H3C11: variants seen among roughly 807,000 people sequenced by gnomAD.
H3C11 encodes the protein histone H3.1.
Under a neutral mutation model 9.1 loss-of-function variants are expected in H3C11, and 10 were observed. The observed-to-expected ratio is 1.10, with a 90% CI of 0.68 to 1.86. The LOEUF (loss-of-function observed/expected upper bound fraction) is 1.86, where lower values mean the gene tolerates loss of function less well. Among genes scored for constraint, H3C11 ranks in the 40% most tolerant of loss-of-function variants. The probability of loss-of-function intolerance (pLI) is 0.00; values close to 1 mark genes in which losing one functional copy is unlikely to be tolerated. For synonymous variants in H3C11, 132 were observed against 82.4 expected, an observed-to-expected ratio of 1.60 and a Z score of -3.26; for missense variants, 197 against 192.5, an observed-to-expected ratio of 1.02 and a Z score of -0.14.
Position 27,872,174 on chromosome 6 carries a change from C to A in H3C11, c.142G>T (p.Ala48Ser). ...TGGTAGCGGCGGATCTCGCGCAGGG[C>A]CACGGTGCCGGGGCGGTAGCGGTGG... Reference protein sequence around the residue: ...KPHRYRPGTVALREIRRYQKS... With the variant: ...KPHRYRPGTVSLREIRRYQKS... The change falls in exon 1 of 1, where the codon GCC (alanine) becomes TCC (serine). Residue 48 changes from alanine to serine, a missense_variant. Physicochemically the swap from Ala to Ser is moderately conservative, Grantham distance 99. Coordinates refer to ENST00000616365, the MANE Select transcript of H3C11 (RefSeq NM_003533.3). 2 of 1,614,050 alleles carry A rather than the reference C, an allele frequency of 1.2e-6. No homozygotes were observed. Among genetic ancestry groups the A allele is most frequent in the Middle Eastern group, 1.6e-4 (1 of 6,062 alleles).
In H3C11 at chr6:27,871,847, A is replaced by T. The variant is rs372624094; in HGVS notation, c.*58T>A. On this transcript the variant is annotated 3_prime_UTR_variant, in exon 1 of 1. Coordinates refer to ENST00000616365, the MANE Select transcript of H3C11 (RefSeq NM_003533.3). ...TACAGCTTCCTTTTGGTGACAATTG[A>T]GGGGCTCTGAAAAGAGCCTTTTGGG... is the stretch of plus-strand genomic sequence containing the variant. 51 of 1,526,190 alleles carry T rather than the reference A, an allele frequency of 3.3e-5. 1 individual carries two copies. Among genetic ancestry groups the T allele is most frequent in the East Asian group, 2.9e-4 (13 of 44,290 alleles). 94.5% of individuals were successfully genotyped at this position (1,526,190 alleles called of 1,614,324 possible).
rs761449012 is a variant in H3C11 at position 27,872,015 on chromosome 6, G to A, written c.301C>T (p.Leu101=). The change falls in exon 1 of 1, where the codon CTG becomes TTG. Residue 101 remains leucine (L), a synonymous_variant. Transcript: ENST00000616365. Reference sequence around the variant, plus strand: ...TTGGTATCCTCAAATAGCCCCACCAGGTAGGCCTCGCAAGCCTCCTGCAGC... The same window carrying A: ...TTGGTATCCTCAAATAGCCCCACCAAGTAGGCCTCGCAAGCCTCCTGCAGC... The part of the protein sequence containing the change: ...MALQEACEAY[L]VGLFEDTNLC... 12 of 1,614,250 alleles carry A rather than the reference G, an allele frequency of 7.4e-6. No homozygotes were observed. The highest frequency in any genetic ancestry group is 2.2e-5 in the East Asian group (1 of 44,886).
rs1761614200 is a variant in H3C11 at position 27,871,880 on chromosome 6, A to C, written c.*25T>G. The C allele has an allele frequency of 1.9e-6, 3 of 1,597,024 alleles. No individual in the cohort carries two copies. Among genetic ancestry groups the C allele is most frequent in the Non-Finnish European group, 2.6e-6 (3 of 1,170,372 alleles). On this transcript the variant is annotated 3_prime_UTR_variant, in exon 1 of 1. Transcript: ENST00000616365. ...TGAAAAGAGCCTTTTGGGGTTGGAC[A>C]GACTTCTTGGGCTGATAGGAATATT...
chr6:27,872,075 T>C lies in H3C11; in HGVS notation c.241A>G (p.Thr81Ala). Residue 81 changes from threonine (T) to alanine (A), a missense_variant, in exon 1 of 1, where the codon ACC becomes GCC. Thr to Ala is a moderately conservative substitution (Grantham distance 58, BLOSUM62 0). Transcript: ENST00000616365. ...GCCGAGCTCTGGAAGCGCAGATCGG[T>C]CTTAAAGTCCTGTGCGATCTCCCGT... The part of the protein sequence containing the change: ...LVREIAQDFK[T>A]DLRFQSSAVM... 1.2e-6 allele frequency: 2 copies of C among 1,614,124 alleles called. No individual in the cohort carries two copies. Among genetic ancestry groups the C allele is most frequent in the Non-Finnish European group, 1.7e-6 (2 of 1,180,028 alleles).
chr6:27,872,116 G>C lies in H3C11; in HGVS notation c.200C>G (p.Pro67Arg). 1 of 1,614,214 alleles carries C rather than the reference G, an allele frequency of 6.2e-7. No homozygotes were observed. Among genetic ancestry groups the C allele is most frequent in the Non-Finnish European group, 8.5e-7 (1 of 1,180,036 alleles). ...KSTELLIRKLPFQRLVREIAQ... is the reference protein window; with the variant it reads ...KSTELLIRKLRFQRLVREIAQ... ...GATCTCCCGTACCAAGCGCTGAAAA[G>C]GTAGCTTCCGGATTAGCAGCTCGGT... The change falls in exon 1 of 1, where the codon CCT becomes CGT. Residue 67 changes from proline (P) to arginine (R), a missense_variant. Physicochemically the swap from Pro to Arg is moderately radical, Grantham distance 103. Transcript: ENST00000616365.
At position 27,872,302 on chromosome 6, in the gene H3C11, T is replaced by A; in HGVS notation, c.14A>T (p.Lys5Met). The A allele has an allele frequency of 6.2e-7, 1 of 1,609,612 alleles. No individual in the cohort carries two copies. Among genetic ancestry groups the A allele is most frequent in the Non-Finnish European group, 8.5e-7 (1 of 1,178,840 alleles). ...GCCGGTGGACTTGCGAGCTGTTTGCTTTGTTCGTGCCATGGCTAAGTAGAC... is the reference window on the plus strand; with the variant it reads ...GCCGGTGGACTTGCGAGCTGTTTGCATTGTTCGTGCCATGGCTAAGTAGAC... Reference protein sequence around the residue: MARTKQTARKSTGGK... With the variant: MARTMQTARKSTGGK... The change falls in exon 1 of 1, where the codon AAG becomes ATG. Residue 5 changes from lysine to methionine, a missense_variant. Lys to Met is a moderately conservative substitution (Grantham distance 95). Transcript: ENST00000616365.
chr6:27,872,102 C>G lies in H3C11; in HGVS notation c.214G>C (p.Val72Leu). ...TTAAAGTCCTGTGCGATCTCCCGTA[C>G]CAAGCGCTGAAAAGGTAGCTTCCGG... Reference protein sequence around the residue: ...LIRKLPFQRLVREIAQDFKTD... With the variant: ...LIRKLPFQRLLREIAQDFKTD... Residue 72 changes from valine (V) to leucine (L), a missense_variant, in exon 1 of 1, where the codon GTA becomes CTA. By Grantham distance (32) the Val-to-Leu change is conservative. Transcript: ENST00000616365. 1 of 1,614,210 alleles carries G rather than the reference C, an allele frequency of 6.2e-7. No individual in the cohort carries two copies. Among genetic ancestry groups the G allele is most frequent in the Non-Finnish European group, 8.5e-7 (1 of 1,180,048 alleles).
At chr6:27,872,346 TGAG>T, upstream of H3C11, 3 of 1,571,848 alleles carry the variant, frequency 1.9e-6, no homozygotes, top group Admixed American at 2.1e-5. Flanking sequence ...TCAACACAAA[TGAG>T]AGAAAAAAAC....
rs767611660 is a variant in H3C11 at position 27,871,950 on chromosome 6, A to G, written c.366T>C (p.Pro122=). ...AIHAKRVTIM[P]KDIQLARRIR... is the part of the protein sequence containing the mutation. ...TGCGGCGCGCAAGCTGGATGTCTTTAGGCATAATAGTGACGCGTTTGGCGT... is the reference window on the plus strand; with the variant it reads ...TGCGGCGCGCAAGCTGGATGTCTTTGGGCATAATAGTGACGCGTTTGGCGT... The change falls in exon 1 of 1, where the codon CCT becomes CCC. Residue 122 remains proline (P), a synonymous_variant. Coordinates refer to ENST00000616365, the MANE Select transcript of H3C11 (RefSeq NM_003533.3). The G allele has an allele frequency of 6.2e-7, 1 of 1,614,174 alleles. No homozygotes were observed. The highest frequency in any genetic ancestry group is 1.6e-4 in the Middle Eastern group (1 of 6,062).
rs780928828 is a variant in H3C11 at position 27,872,316 on chromosome 6, G to A, written c.-1C>T. ...GAGCTGTTTGCTTTGTTCGTGCCAT[G>A]GCTAAGTAGACGTACCTACTCAACA... On this transcript the variant is annotated 5_prime_UTR_variant, in exon 1 of 1. Coordinates refer to ENST00000616365, the MANE Select transcript of H3C11 (RefSeq NM_003533.3). The A allele has an allele frequency of 3.1e-6, 5 of 1,602,968 alleles. No individual in the cohort carries two copies. Among genetic ancestry groups the A allele is most frequent in the South Asian group, 1.1e-5 (1 of 90,164 alleles).
chr6:27,871,883 C>T lies in H3C11; in HGVS notation c.*22G>A. The T allele has an allele frequency of 1.2e-6, 2 of 1,602,714 alleles. No individual in the cohort carries two copies. Among genetic ancestry groups the T allele is most frequent in the Non-Finnish European group, 1.7e-6 (2 of 1,173,452 alleles). ...AAAGAGCCTTTTGGGGTTGGACAGA[C>T]TTCTTGGGCTGATAGGAATATTTAT... On this transcript the variant is annotated 3_prime_UTR_variant, in exon 1 of 1. Coordinates refer to ENST00000616365, the MANE Select transcript of H3C11 (RefSeq NM_003533.3).
chr6:27,872,252 C>T lies in H3C11; in HGVS notation c.64G>A (p.Ala22Thr). The T allele has an allele frequency of 1.9e-6, 3 of 1,612,090 alleles. No homozygotes were observed. Among genetic ancestry groups the T allele is most frequent in the East Asian group, 2.2e-5 (1 of 44,856 alleles). ...TGGKAPRKQLATKAARKSAPA... is the reference protein window; with the variant it reads ...TGGKAPRKQLTTKAARKSAPA... Reference sequence around the variant, plus strand: ...GCGCTCTTGCGAGCCGCCTTGGTGGCCAGCTGCTTGCGCGGCGCTTTGCCG... The same window carrying T: ...GCGCTCTTGCGAGCCGCCTTGGTGGTCAGCTGCTTGCGCGGCGCTTTGCCG... The change falls in exon 1 of 1, where the codon GCC becomes ACC. Residue 22 changes from alanine (A) to threonine (T), a missense_variant. By Grantham distance (58) the Ala-to-Thr change is moderately conservative. Transcript: ENST00000616365.
At position 27,871,941 on chromosome 6, in the gene H3C11, G is replaced by A. The variant is rs376425183; in HGVS notation, c.375C>T (p.Ile125=). 1 of 1,614,098 alleles carries A rather than the reference G, an allele frequency of 6.2e-7. No individual in the cohort carries two copies. Among genetic ancestry groups the A allele is most frequent in the Non-Finnish European group, 8.5e-7 (1 of 1,179,948 alleles). ...CCCCTCGGATGCGGCGCGCAAGCTG[G>A]ATGTCTTTAGGCATAATAGTGACGC... is the stretch of plus-strand genomic sequence containing the variant. ...AKRVTIMPKD[I]QLARRIRGER... is the part of the protein sequence containing the mutation. Residue 125 remains isoleucine (I), a synonymous_variant, in exon 1 of 1, where the codon ATC becomes ATT. Coordinates refer to ENST00000616365, the MANE Select transcript of H3C11 (RefSeq NM_003533.3).
chr6:27,872,099 G>A lies in H3C11; in HGVS notation c.217C>T (p.Arg73Trp). 2 of 1,614,178 alleles carry A rather than the reference G, an allele frequency of 1.2e-6. No individual in the cohort carries two copies. Among genetic ancestry groups the A allele is most frequent in the Non-Finnish European group, 1.7e-6 (2 of 1,180,026 alleles). The change falls in exon 1 of 1, where the codon CGG becomes TGG. Residue 73 changes from arginine (R) to tryptophan (W), a missense_variant. Arg to Trp is a moderately radical substitution (Grantham distance 101, BLOSUM62 -3). Transcript: ENST00000616365. ...IRKLPFQRLV[R>W]EIAQDFKTDL... Reference sequence around the variant, plus strand: ...GTCTTAAAGTCCTGTGCGATCTCCCGTACCAAGCGCTGAAAAGGTAGCTTC... The same window carrying A: ...GTCTTAAAGTCCTGTGCGATCTCCCATACCAAGCGCTGAAAAGGTAGCTTC...
Position 27,872,059 on chromosome 6 carries a change from T to A in H3C11, c.257A>T (p.Gln86Leu). ...CTGCAGCGCCATCACCGCCGAGCTCTGGAAGCGCAGATCGGTCTTAAAGTC... is the reference window on the plus strand; with the variant it reads ...CTGCAGCGCCATCACCGCCGAGCTCAGGAAGCGCAGATCGGTCTTAAAGTC... ...AQDFKTDLRF[Q>L]SSAVMALQEA... Residue 86 changes from glutamine to leucine, a missense_variant, in exon 1 of 1, where the codon CAG (glutamine) becomes CTG (leucine). Transcript: ENST00000616365. 1 of 1,614,230 alleles carries A rather than the reference T, an allele frequency of 6.2e-7. No individual in the cohort carries two copies.
Position 27,872,155 on chromosome 6 carries a change from C to T in H3C11, c.161G>A (p.Arg54His). 6 of 1,614,140 alleles carry T rather than the reference C, an allele frequency of 3.7e-6. No individual in the cohort carries two copies. Among genetic ancestry groups the T allele is most frequent in the Non-Finnish European group, 5.1e-6 (6 of 1,179,996 alleles). ...TAGCAGCTCGGTCGACTTCTGGTAG[C>T]GGCGGATCTCGCGCAGGGCCACGGT... ...PGTVALREIRRYQKSTELLIR... is the reference protein window; with the variant it reads ...PGTVALREIRHYQKSTELLIR... The change falls in exon 1 of 1, where the codon CGC becomes CAC. Residue 54 changes from arginine to histidine, a missense_variant. Physicochemically the swap from Arg to His is conservative, Grantham distance 29. Coordinates refer to ENST00000616365, the MANE Select transcript of H3C11 (RefSeq NM_003533.3).
In H3C11 at chr6:27,872,199, G is replaced by A. The variant is rs374209842; in HGVS notation, c.117C>T (p.Pro39=). ...CCACGGTGCCGGGGCGGTAGCGGTGGGGCTTCTTGACGCCACCGGTGGCCG... is the reference window on the plus strand; with the variant it reads ...CCACGGTGCCGGGGCGGTAGCGGTGAGGCTTCTTGACGCCACCGGTGGCCG... ...SAPATGGVKK[P]HRYRPGTVAL... The change falls in exon 1 of 1, where the codon CCC becomes CCT. Residue 39 remains proline (P), a synonymous_variant. Coordinates refer to ENST00000616365, the MANE Select transcript of H3C11 (RefSeq NM_003533.3). 1.1e-5 allele frequency: 17 copies of A among 1,613,520 alleles called. No individual in the cohort carries two copies. The highest frequency in any genetic ancestry group is 7.6e-6 in the Non-Finnish European group (9 of 1,179,666).
chr6:27,871,873 G>A lies in H3C11; in HGVS notation c.*32C>T. 1 of 1,589,978 alleles carries A rather than the reference G, an allele frequency of 6.3e-7. No homozygotes were observed. The highest frequency in any genetic ancestry group is 8.6e-7 in the Non-Finnish European group (1 of 1,167,004). The stretch of plus-strand genomic sequence containing the variant: ...GGGGCTCTGAAAAGAGCCTTTTGGG[G>A]TTGGACAGACTTCTTGGGCTGATAG... On this transcript the variant is annotated 3_prime_UTR_variant, in exon 1 of 1. Transcript: ENST00000616365.
rs753196469 is a variant in H3C11, at chr6:27,871,939, TG to T, written c.376del (p.Gln126SerfsTer?). On this transcript the variant is annotated frameshift_variant, in exon 1 of 1. Transcript: ENST00000616365. LOFTEE classifies it high-confidence loss of function. ...CTCCCCTCGGATGCGGCGCGCAAGC[TG>T]GATGTCTTTAGGCATAATAGTGACG... ...KRVTIMPKDI[Q>X]LARRIRGERA 6.2e-7 allele frequency: 1 copy of T among 1,613,974 alleles called. No homozygotes were observed. The highest frequency in any genetic ancestry group is 1.3e-5 in the African/African-American group (1 of 74,924).
Sources: gnomAD v4.1 joint callset for allele counts on GRCh38, gnomAD v4.1.1 for gene constraint, MANE v1.5 for transcripts, NCBI Gene and HGNC (gene_info 2026-07-23, HGNC 2026-07-21) for gene names.